The following TRHDE variants were observed in gnomAD, a reference collection of about 807,000 sequenced individuals.
The protein encoded by TRHDE is thyrotropin-releasing hormone-degrading ectoenzyme.
In TRHDE, 72 loss-of-function variants were observed where a neutral mutation model predicts 125.7. The ratio of observed to expected loss-of-function variants is 0.57; its 90% CI spans 0.47 to 0.70. TRHDE has a LOEUF of 0.70. Ranked by LOEUF, TRHDE falls within the 30% of genes least tolerant of loss-of-function variation. The probability of loss-of-function intolerance (pLI) is 0.00; values close to 1 mark genes in which losing one functional copy is unlikely to be tolerated. For synonymous variants in TRHDE, 509 were observed against 509.1 expected, an observed-to-expected ratio of 1.00 and a Z score of 0.00; for missense variants, 1,110 against 1,327.1, an observed-to-expected ratio of 0.84 and a Z score of 2.54.
intron 2 of TRHDE, among the ~76,000 whole-genome samples, chr12:72,302,532 A>G (rs116457994): frequency 0.032 from 4,839 of 152,138 alleles, 264 homozygotes; most frequent in African/African-American, 0.11. Flanking sequence ...CTACCACAAT[A>G]TTTTTATAAT....
chr12:72,363,963 G>C (rs373489851), intron 2 of TRHDE, among the ~76,000 whole-genome samples: 1,662 of 151,892 alleles, frequency 0.011, 35 homozygotes, highest in African/African-American at 0.035. Flanking sequence ...CACAAGCATT[G>C]TTATACACCA....
intron 3 of TRHDE, among the ~76,000 whole-genome samples, chr12:72,414,267 A>G (rs1279940947): frequency 6.6e-6 from 1 of 152,078 alleles, no homozygotes; most frequent in Non-Finnish European, 1.5e-5. Context: ...GAAACTAGTT[A>G]CTTTATAAAT....
intron 3 of TRHDE, among the ~76,000 whole-genome samples, chr12:72,396,603 G>A (rs1421498643): frequency 6.6e-6 from 1 of 152,076 alleles, no homozygotes; most frequent in Non-Finnish European, 1.5e-5. Context: ...AATTAGCTGG[G>A]CATGATGGTG....
At chr12:72,340,034 C>G (rs533952528) in intron 2 of TRHDE, among the ~76,000 whole-genome samples, 3 of 152,316 alleles carry the variant, frequency 2.0e-5, no homozygotes, top group East Asian at 3.9e-4. Context: ...TCAGTTGCAA[C>G]TGCATTGCAG....
intron 6 of TRHDE, among the ~76,000 whole-genome samples, chr12:72,534,721 TATC>T (rs752948133): frequency 6.6e-6 from 1 of 152,168 alleles, no homozygotes; most frequent in African/African-American, 2.4e-5. Flanking sequence ...TTATTATCAT[TATC>T]ATTATTATTA....
At chr12:72,271,818 T>C (rs1178045181), upstream of TRHDE, 2 of 427,090 alleles carry the variant, frequency 4.7e-6, no homozygotes, top group Non-Finnish European at 9.5e-6. Flanking sequence ...CAGAGCTTCA[T>C]CTACCTGAAG....
chr12:72,509,526 A>G (rs971114020), intron 6 of TRHDE, among the ~76,000 whole-genome samples: 10 of 152,156 alleles, frequency 6.6e-5, no homozygotes, highest in African/African-American at 2.4e-4. Flanking sequence ...TTCTCGTTGT[A>G]GGAAAAATGT....
intron 6 of TRHDE, among the ~76,000 whole-genome samples, chr12:72,534,805 G>T (rs1868768019): frequency 6.6e-6 from 1 of 151,918 alleles, no homozygotes; most frequent in Non-Finnish European, 1.5e-5. Flanking sequence ...AATGTATAGA[G>T]CTCAGAATAT....
rs544156427 is a variant in TRHDE at position 72,396,122 on chromosome 12, T to A, written c.1315+18001T>A. On this transcript the variant is annotated intron_variant, in intron 3 of 18. Transcript: ENST00000261180. Reference sequence around the variant, plus strand: ...AAACTTTGCTCTAAAAATTATCCACTCTTTCTCACATCATCAGGTCCCCAC... The same window carrying A: ...AAACTTTGCTCTAAAAATTATCCACACTTTCTCACATCATCAGGTCCCCAC... Among the ~76,000 whole-genome samples, 10 of 152,284 alleles carry A rather than the reference T, an allele frequency of 6.6e-5. No homozygotes were observed. The East Asian group carries it at 1.9e-3, about 29-fold the overall frequency.
chr12:72,508,554 G>A (rs1372920278), intron 6 of TRHDE, among the ~76,000 whole-genome samples: 1 of 152,186 alleles, frequency 6.6e-6, no homozygotes, highest in African/African-American at 2.4e-5. Flanking sequence ...CCCAATGCCT[G>A]TATCCCCATT....
chr12:72,372,743 A>G (rs1451679280), intron 2 of TRHDE, among the ~76,000 whole-genome samples: 3 of 152,072 alleles, frequency 2.0e-5, no homozygotes, highest in East Asian at 1.9e-4. Flanking sequence ...TGTTCCATTG[A>G]TCTATATCTC....
chr12:72,129,700 A>C (rs1875815612), intron 2 of TRHDE, among the ~76,000 whole-genome samples: 1 of 152,244 alleles, frequency 6.6e-6, no homozygotes, highest in Non-Finnish European at 1.5e-5. Flanking sequence ...ATCAGTTAAA[A>C]AAATATATAC....
chr12:72,372,070 T>C (rs1156435542), intron 2 of TRHDE, among the ~76,000 whole-genome samples: 2 of 152,192 alleles, frequency 1.3e-5, no homozygotes, highest in East Asian at 3.9e-4. Context: ...CCTGACTTTT[T>C]AATGATTGCC....
chr12:72,211,226 C>T (rs1002675921), intron 2 of TRHDE, among the ~76,000 whole-genome samples: 4 of 152,152 alleles, frequency 2.6e-5, no homozygotes, highest in Non-Finnish European at 5.9e-5. Flanking sequence ...GACCACCATT[C>T]CCAGCTCTGT....
rs970527125 is a variant in TRHDE at position 72,118,243 on chromosome 12, GT to G, written n.279+12500del. Among the ~76,000 whole-genome samples, 240 of 151,004 alleles carry G rather than the reference GT, an allele frequency of 1.6e-3. 2 individuals are homozygous for G. The highest frequency in any genetic ancestry group is 5.1e-3 in the African/African-American group (209 of 41,194). On this transcript the variant is annotated intron_variant and non_coding_transcript_variant, in intron 2 of 4. Transcript: ENST00000548156. The stretch of plus-strand genomic sequence containing the variant: ...GTTCCTTCTATACCCAGTTTTATGA[GT>G]TTTTTTTTAAATCATGAAGGGATGT...
At chr12:72,423,129 A>G (rs1275683625) in intron 3 of TRHDE, among the ~76,000 whole-genome samples, 2 of 152,140 alleles carry the variant, frequency 1.3e-5, no homozygotes, top group Non-Finnish European at 2.9e-5. Context: ...ATACTTATTT[A>G]TACTTTCGTG....
intron 12 of TRHDE, among the ~76,000 whole-genome samples, chr12:72,608,918 T>TG (rs1318303713): frequency 2.0e-5 from 3 of 152,202 alleles, no homozygotes; most frequent in Admixed American, 6.5e-5. Flanking sequence ...AATATGAACC[T>TG]GGGGGGGTTA....
intron 1 of TRHDE, among the ~76,000 whole-genome samples, chr12:72,285,844 T>A (rs1464319285): frequency 6.6e-6 from 1 of 152,160 alleles, no homozygotes; most frequent in Non-Finnish European, 1.5e-5. Flanking sequence ...AAATATTTAA[T>A]CTTTGTCTTC....
chr12:72,328,447 C>CTAAAGTT (rs1332757796), intron 2 of TRHDE, among the ~76,000 whole-genome samples: 1 of 147,494 alleles, frequency 6.8e-6, no homozygotes, highest in Non-Finnish European at 1.5e-5. Flanking sequence ...GTGCATAAGC[C>CTAAAGTT]TAAAGTTTAA....
Sources: allele counts gnomAD v4.1 joint callset (sites outside exome capture counted in the v4.1 genomes callset), GRCh38; gene constraint gnomAD v4.1.1; transcripts MANE v1.5; gene names NCBI Gene and HGNC (gene_info 2026-07-23, HGNC 2026-07-21).